SORL1: variants seen among roughly 807,000 people sequenced by gnomAD.
SORL1 encodes the protein sortilin related receptor 1.
In SORL1, 127 loss-of-function variants were observed where a neutral mutation model predicts 273.7. The observed-to-expected ratio is 0.46, with a 90% CI of 0.40 to 0.54. The LOEUF is 0.54. SORL1 is among the 20% of genes least tolerant of loss of function. SORL1 has a pLI of 0.00. For missense variants in SORL1, 2,494 were observed against 2,846.1 expected, an observed-to-expected ratio of 0.88 and a Z score of 2.81; for synonymous variants, 1,031 against 1,067.4, an observed-to-expected ratio of 0.97 and a Z score of 0.66.
At position 121,618,804 on chromosome 11, in the gene SORL1, C is replaced by G; in HGVS notation, c.5635C>G (p.Leu1879Val). ...VYGIFYATSF[L>V]DLYRNPKSLT... ...TGGTATTTTCTATGCCACGTCCTTT[C>G]TTGACCTCTATCGCAACCCGAAGAG... Residue 1879 changes from leucine to valine, a missense_variant, in exon 42 of 48, where the codon CTT (leucine) becomes GTT (valine). Transcript: ENST00000260197. The G allele has an allele frequency of 6.2e-7, 1 of 1,614,186 alleles. No individual in the cohort carries two copies.
intron 1 of SORL1, among the ~76,000 whole-genome samples, chr11:121,456,412 T>C (rs1860905961): frequency 6.6e-6 from 1 of 152,196 alleles, no homozygotes; most frequent in African/African-American, 2.4e-5. Flanking sequence ...GCCACACACC[T>C]GGAAGAAGAG....
chr11:121,487,255 G>A (rs979981480), intron 3 of SORL1, among the ~76,000 whole-genome samples: 7 of 152,240 alleles, frequency 4.6e-5, no homozygotes, highest in Non-Finnish European at 1.0e-4. Flanking sequence ...TTGGGTTTTT[G>A]TGGCAGCTCC....
At chr11:121,577,067 C>T (rs1862941600) in intron 24 of SORL1, 2 of 1,132,016 alleles carry the variant, frequency 1.8e-6, no homozygotes, top group South Asian at 1.3e-5. Flanking sequence ...CTGAGGGTCT[C>T]AGAATCTCAG....
At chr11:121,491,943 T>A (rs1861560870) in intron 5 of SORL1, among the ~76,000 whole-genome samples, 2 of 152,238 alleles carry the variant, frequency 1.3e-5, no homozygotes, top group Non-Finnish European at 2.9e-5. Flanking sequence ...CTGTTTTCTC[T>A]GCCTAAAATG....
intron 27 of SORL1, 114 bp from the exon 28 acceptor site, chr11:121,587,906 C>A: frequency 7.8e-7 from 1 of 1,284,068 alleles, no homozygotes; most frequent in East Asian, 2.4e-5. Flanking sequence ...TAAATTGTGG[C>A]TTTTACTGTT....
intron 14 of SORL1, among the ~76,000 whole-genome samples, chr11:121,546,329 T>C (rs561398660): frequency 6.6e-6 from 1 of 150,586 alleles, no homozygotes; most frequent in South Asian, 2.1e-4. Context: ...AGCTTAGCTG[T>C]AGGAGCTTTT....
rs994214219 is a variant in SORL1, at chr11:121,550,464, C to A, written c.2181-121C>A. The A allele has an allele frequency of 1.2e-5, 10 of 841,148 alleles. No homozygotes were observed. Among genetic ancestry groups the A allele is most frequent in the African/African-American group, 1.7e-5 (1 of 59,722 alleles). 52.1% of individuals were successfully genotyped at this position (841,148 alleles called of 1,614,324 possible). A position where few individuals can be genotyped will look rare whatever the true frequency, so the allele number is the denominator to read the frequency against. ...AACTACGAACATCCTCTTTCTAGTT[C>A]TAAAGAGAAATGAGTGGATGGACTC... On this transcript the variant is annotated intron_variant, in intron 15 of 47. Coordinates refer to ENST00000260197, the MANE Select transcript of SORL1 (RefSeq NM_003105.6). The surrounding 1 kb of genome is among the most constrained non-coding windows in gnomAD (Gnocchi z 5.3).
chr11:121,455,971 G>A (rs1860896409), intron 1 of SORL1, among the ~76,000 whole-genome samples: 1 of 151,258 alleles, frequency 6.6e-6, no homozygotes, highest in Non-Finnish European at 1.5e-5. Flanking sequence ...CCAGCCTGGG[G>A]GACAGAGTGA....
intron 6 of SORL1, among the ~76,000 whole-genome samples, chr11:121,501,328 A>G (rs1413816419): frequency 6.6e-6 from 1 of 152,190 alleles, no homozygotes; most frequent in African/African-American, 2.4e-5. Context: ...CTAATTCCAA[A>G]TATTTTTATC....
At chr11:121,548,134 A>G (rs1213809326) in intron 14 of SORL1, among the ~76,000 whole-genome samples, 1 of 152,232 alleles carries the variant, frequency 6.6e-6, no homozygotes, top group East Asian at 1.9e-4. Context: ...ACATACACAC[A>G]TATAATTAAA....
At position 121,583,561 on chromosome 11, in the gene SORL1, C is replaced by A. The variant is rs149335156; in HGVS notation, c.3684C>A (p.Ser1228=). The change falls in exon 26 of 48, where the codon TCC becomes TCA. Residue 1228 remains serine (S), a synonymous_variant. Coordinates refer to ENST00000260197, the MANE Select transcript of SORL1 (RefSeq NM_003105.6). Reference sequence around the variant, plus strand: ...GGGATACGGACTGCCAGGATGGTTCCGATGAGGATCCAGTCAACTGTGGTA... The same window carrying A: ...GGGATACGGACTGCCAGGATGGTTCAGATGAGGATCCAGTCAACTGTGGTA... ...CDGDTDCQDG[S]DEDPVNCEKK... 4 of 1,610,988 alleles carry A rather than the reference C, an allele frequency of 2.5e-6. No homozygotes were observed. The highest frequency in any genetic ancestry group is 2.2e-5 in the South Asian group (2 of 90,706).
At chr11:121,457,244 G>A (rs1218994021) in intron 1 of SORL1, among the ~76,000 whole-genome samples, 1 of 152,186 alleles carries the variant, frequency 6.6e-6, no homozygotes, top group African/African-American at 2.4e-5. Context: ...GGTGAGAAGA[G>A]TAAGGAGGCG....
chr11:121,585,500 TACACACACAC>T lies in SORL1; in HGVS notation c.3707-693_3707-684del, dbSNP rs58254356. Among the ~76,000 whole-genome samples, 602 of 137,554 alleles carry T rather than the reference TACACACACAC, an allele frequency of 4.4e-3. 3 individuals are homozygous for T. Among genetic ancestry groups the T allele is most frequent in the African/African-American group, 0.015 (545 of 35,604 alleles). The allele number at this position is 137,554 out of a possible 152,430, so 90.2% of individuals were successfully genotyped here. ...TCTGCCTTAAAAAAAAAAATGTATA[TACACACACAC>T]ACACACACACACACACACACACACA... On this transcript the variant is annotated intron_variant, in intron 26 of 47. Coordinates refer to ENST00000260197, the MANE Select transcript of SORL1 (RefSeq NM_003105.6).
intron 3 of SORL1, among the ~76,000 whole-genome samples, chr11:121,480,968 C>A (rs1373055726): frequency 8.3e-6 from 1 of 121,084 alleles, no homozygotes; most frequent in Non-Finnish European, 1.7e-5. Flanking sequence ...TATAGGCAAG[C>A]TCCATCTCCT....
At chr11:121,490,858 G>T (rs1481417807) in intron 5 of SORL1, among the ~76,000 whole-genome samples, 6 of 151,976 alleles carry the variant, frequency 3.9e-5, no homozygotes, top group Non-Finnish European at 7.3e-5. Context: ...TATGGATATA[G>T]TTATTAAGGA....
intron 8 of SORL1, among the ~76,000 whole-genome samples, chr11:121,518,450 A>T (rs1171575588): frequency 6.6e-6 from 1 of 152,216 alleles, no homozygotes; most frequent in African/African-American, 2.4e-5. Flanking sequence ...GAAGTAAAAG[A>T]TAAAACTCCA....
chr11:121,583,321 A>G, intron 25 of SORL1, 137 bp from the exon 26 acceptor site: 1 of 1,025,518 alleles, frequency 9.8e-7, no homozygotes, highest in Non-Finnish European at 1.3e-6. Context: ...ATTCTCAGCC[A>G]AGGAGAAACC....
chr11:121,540,002 T>G (rs900705959), intron 12 of SORL1, among the ~76,000 whole-genome samples: 1 of 152,332 alleles, frequency 6.6e-6, no homozygotes, highest in South Asian at 2.1e-4. Flanking sequence ...AACATAAACC[T>G]TGATTCATTT....
chr11:121,590,770 C>A, intron 30 of SORL1: 2 of 738,664 alleles, frequency 2.7e-6, no homozygotes, highest in East Asian at 2.5e-5. Flanking sequence ...TAACCGAAAT[C>A]AAATATAGTA....
Sources: allele counts gnomAD v4.1 joint callset (sites outside exome capture counted in the v4.1 genomes callset), GRCh38; gene constraint gnomAD v4.1.1; non-coding constraint Gnocchi (gnomAD v3.1); transcripts MANE v1.5; gene names NCBI Gene and HGNC (gene_info 2026-07-23, HGNC 2026-07-21).